The following PAGE3 variants were observed in gnomAD, a reference collection of about 807,000 sequenced individuals.
The protein encoded by PAGE3 is P antigen family member 3.
In PAGE3, 9 loss-of-function variants were observed where a neutral mutation model predicts 3.8. That is an observed-to-expected ratio of 2.36 (90% CI 1.42 to 4.12). PAGE3 has a LOEUF of 4.12. PAGE3 is among the 30% of genes most tolerant of loss of function. PAGE3 has a pLI of 0.00. For missense variants in PAGE3, 73 were observed against 37.8 expected (o/e 1.93, Z -2.44); for synonymous variants, 24 against 13.1 (o/e 1.83, Z -1.79).
At chrX:55,261,828 T>A (rs1218090342) in intron 3 of PAGE3, among the ~76,000 whole-genome samples, 2 of 112,061 alleles carry the variant, frequency 1.8e-5, no homozygotes, top group African/African-American at 6.5e-5. Context: ...TTAAATTACA[T>A]TTAAAATATA....
Position 55,264,548 on chromosome X carries a change from C to T in PAGE3, c.-11G>A, listed in dbSNP as rs1334784130. On this transcript the variant is annotated splice_region_variant and 5_prime_UTR_variant, in exon 1 of 5. Coordinates refer to ENST00000374951, the MANE Select transcript of PAGE3 (RefSeq NM_001017931.3). ...CAGGCCTTTCGGCACTCAGATACCT[C>T]CAACAGCACGCCCAGCACTCGCCCC... is the stretch of plus-strand genomic sequence containing the variant. 8.9e-6 allele frequency: 1 copy of T among 111,884 alleles called. No homozygotes were observed. The highest frequency in any genetic ancestry group is 1.9e-5 in the Non-Finnish European group (1 of 53,378). 9.2% of individuals were successfully genotyped at this position (111,884 alleles called of 1,213,427 possible).
chrX:55,260,805 A>G, intron 3 of PAGE3, 146 bp from the exon 4 acceptor site: 1 of 347,850 alleles, frequency 2.9e-6, no homozygotes, highest in Non-Finnish European at 5.1e-6. Context: ...TTTCAAGAAC[A>G]TTATTTCAGG....
intron 1 of PAGE3, 35 bp downstream of exon 1, chrX:55,264,511 C>G (rs1938354157): frequency 1.8e-5 from 2 of 111,635 alleles, no homozygotes; most frequent in Non-Finnish European, 3.7e-5. Flanking sequence ...TCTGTCCTCC[C>G]TCTCAGGGTT....
Position 55,260,598 on chromosome X carries a change from T to G in PAGE3, c.255A>C (p.Gly85=), listed in dbSNP as rs3761560. The G allele has an allele frequency of 0.33, 185,104 of 562,838 alleles. 20,860 individuals are homozygous for G. The highest frequency in any genetic ancestry group is 0.49 in the Admixed American group (21,888 of 44,406). The allele number at this position is 562,838 out of a possible 1,213,427, so 46.4% of individuals were successfully genotyped here. ...ATTCTCCCTTGACATTAGGACCATC[T>G]CCACGTTCACCCCCAGTCTTTGACC... ...LTRSKTGGER[G]DGPNVKGEFL... The change falls in exon 4 of 5, where the codon GGA becomes GGC. Residue 85 remains glycine, a synonymous_variant. Transcript: ENST00000374951.
Position 55,260,579 on chromosome X carries a change from C to T in PAGE3, c.274G>A (p.Gly92Arg). ...GERGDGPNVKGEFLPNLEPVK... is the reference protein window; with the variant it reads ...GERGDGPNVKREFLPNLEPVK... The stretch of plus-strand genomic sequence containing the variant: ...GGCTCCAGATTTGGCAGAAATTCTC[C>T]CTTGACATTAGGACCATCTCCACGT... Residue 92 changes from glycine (G) to arginine (R), a missense_variant, in exon 4 of 5, where the codon GGA (glycine) becomes AGA (arginine). By Grantham distance (125) the Gly-to-Arg change is moderately radical. Coordinates refer to ENST00000374951, the MANE Select transcript of PAGE3 (RefSeq NM_001017931.3). 1 of 566,938 alleles carries T rather than the reference C, an allele frequency of 1.8e-6. No individual in the cohort carries two copies. The highest frequency in any genetic ancestry group is 3.3e-5 in the East Asian group (1 of 30,583). The allele number at this position is 566,938 out of a possible 1,213,427, so 46.7% of individuals were successfully genotyped here.
intron 4 of PAGE3, 87 bp from the exon 5 acceptor site, chrX:55,258,615 T>C: frequency 3.8e-6 from 2 of 521,655 alleles, no homozygotes; most frequent in Non-Finnish European, 7.0e-6. Flanking sequence ...ATAGTTTTGG[T>C]TTTATGAAAT....
intron 4 of PAGE3, 149 bp from the exon 5 acceptor site, chrX:55,258,677 GACT>G (rs1335965561): frequency 4.7e-5 from 17 of 365,107 alleles, no homozygotes; most frequent in Non-Finnish European, 7.2e-5. Flanking sequence ...CCGCTATAGA[GACT>G]TTGAAGGTAG....
rs1381771318 is a variant in PAGE3 at position 55,258,422 on chromosome X, A to G, written c.*84T>C. 9.2e-6 allele frequency: 5 copies of G among 542,087 alleles called. No homozygotes were observed. The highest frequency in any genetic ancestry group is 6.9e-5 in the African/African-American group (3 of 43,616). 44.7% of individuals were successfully genotyped at this position (542,087 alleles called of 1,213,427 possible). A position where few individuals can be genotyped will look rare whatever the true frequency, so the allele number is the denominator to read the frequency against. The stretch of plus-strand genomic sequence containing the variant: ...TAAGTTGCACAAGACTTCTTTGCAG[A>G]CAATTGTGAAACTTTATTGAGAGAA... On this transcript the variant is annotated 3_prime_UTR_variant, in exon 5 of 5. Coordinates refer to ENST00000374951, the MANE Select transcript of PAGE3 (RefSeq NM_001017931.3).
rs1043601239 is a variant in PAGE3, at chrX:55,263,989, G to A, written c.-8-78C>T. The A allele has an allele frequency of 8.7e-6, 4 of 460,602 alleles. No homozygotes were observed. The African/African-American group carries it at 9.8e-5, about 11-fold the overall frequency. The allele number at this position is 460,602 out of a possible 1,213,427, so 38.0% of individuals were successfully genotyped here. On this transcript the variant is annotated intron_variant, in intron 1 of 4. Transcript: ENST00000374951. ...ACCTTTTCCATGGCTAAATTGGAAAGCATGCAAGCTCACGATTACCCTGGG... is the reference window on the plus strand; with the variant it reads ...ACCTTTTCCATGGCTAAATTGGAAAACATGCAAGCTCACGATTACCCTGGG...
intron 3 of PAGE3, 91 bp downstream of exon 3, chrX:55,263,159 GC>G: frequency 1.4e-5 from 6 of 438,002 alleles, no homozygotes; most frequent in Admixed American, 7.9e-5. Context: ...TCTTTCTATT[GC>G]TTTTTTCCTC....
chrX:55,262,703 G>GAT (rs10534339), intron 3 of PAGE3, among the ~76,000 whole-genome samples: 1,008 of 91,015 alleles, frequency 0.011, 16 homozygotes, highest in African/African-American at 0.039. Context: ...TGTTACATAT[G>GAT]ATATATATAT....
chrX:55,263,965 C>A, intron 1 of PAGE3, 54 bp from the exon 2 acceptor site: 1 of 492,306 alleles, frequency 2.0e-6, no homozygotes, highest in Admixed American at 2.9e-5. Context: ...TATCATTTGA[C>A]CTTTTCCATG....
At chrX:55,263,047 G>GT (rs1326343576) in intron 3 of PAGE3, among the ~76,000 whole-genome samples, 1 of 110,302 alleles carries the variant, frequency 9.1e-6, no homozygotes, top group Non-Finnish European at 1.9e-5. Context: ...AGCATAACAA[G>GT]TAAGTCTTGA....
chrX:55,258,558 T>C (rs759160089), intron 4 of PAGE3, 30 bp from the exon 5 acceptor site: 1 of 558,811 alleles, frequency 1.8e-6, no homozygotes, highest in Admixed American at 2.3e-5. Flanking sequence ...GTTGAGAGTA[T>C]TTTTTAGCAG....
intron 4 of PAGE3, 141 bp downstream of exon 4, chrX:55,260,393 G>T: frequency 2.8e-6 from 1 of 354,528 alleles, no homozygotes; most frequent in Non-Finnish European, 5.0e-6. Flanking sequence ...AGGCTTTTGG[G>T]GACTGAACTA....
At chrX:55,261,100 T>C (rs1376748080) in intron 3 of PAGE3, among the ~76,000 whole-genome samples, 1 of 111,632 alleles carries the variant, frequency 9.0e-6, no homozygotes, top group Non-Finnish European at 1.9e-5. Context: ...CAGCCTATAC[T>C]GATGAACGCT....
intron 2 of PAGE3, among the ~76,000 whole-genome samples, 194 bp from the exon 3 acceptor site, chrX:55,263,553 T>C: frequency 8.9e-6 from 1 of 111,754 alleles, no homozygotes; most frequent in Non-Finnish European, 1.9e-5. Context: ...CTTGGGAAGC[T>C]ATTTGAATCC....
rs750371275 is a variant in PAGE3 at position 55,263,750 on chromosome X, A to G, written c.84+70T>C. 340 of 505,139 alleles carry G rather than the reference A, an allele frequency of 6.7e-4. 4 individuals carry two copies. The Middle Eastern group carries it at 0.021, about 31-fold the overall frequency. The allele number at this position is 505,139 out of a possible 1,213,427, so 41.6% of individuals were successfully genotyped here. ...GCATGGAAAACCTTATTAATATATCAATATTAGTTCAACAACATTTTCACA... is the reference window on the plus strand; with the variant it reads ...GCATGGAAAACCTTATTAATATATCGATATTAGTTCAACAACATTTTCACA... On this transcript the variant is annotated intron_variant, in intron 2 of 4. Transcript: ENST00000374951.
intron 4 of PAGE3, among the ~76,000 whole-genome samples, chrX:55,258,910 A>C (rs1287834716): frequency 8.9e-6 from 1 of 112,119 alleles, no homozygotes; most frequent in African/African-American, 3.2e-5. Flanking sequence ...TAATGTTTTG[A>C]ATATAGGATA....
Sources: gnomAD v4.1 joint callset for allele counts (sites outside exome capture counted in the v4.1 genomes callset) on GRCh38, gnomAD v4.1.1 for gene constraint, MANE v1.5 for transcripts, NCBI Gene and HGNC (gene_info 2026-07-23, HGNC 2026-07-21) for gene names.